EPG5: variants seen among roughly 807,000 people sequenced by gnomAD.
EPG5 encodes ectopic P granules protein 5 homolog.
A neutral mutation model predicts 302.7 loss-of-function variants in EPG5; 159 were observed. The ratio of observed to expected loss-of-function variants is 0.53; its 90% CI spans 0.46 to 0.60. The LOEUF (loss-of-function observed/expected upper bound fraction) is 0.60. EPG5 is among the 20% of genes least tolerant of loss of function. The pLI, the probability that EPG5 is intolerant of heterozygous loss-of-function variation, is 0.00. For synonymous variants in EPG5, 1,158 were observed against 1,136.8 expected, an observed-to-expected ratio of 1.02 and a Z score of -0.37; for missense variants, 2,896 against 3,092.4, an observed-to-expected ratio of 0.94 and a Z score of 1.51.
At chr18:45,867,824 C>T (rs779682578) in intron 36 of EPG5, 76 bp from the exon 37 acceptor site, 8 of 1,327,396 alleles carry the variant, frequency 6.0e-6, no homozygotes, top group Non-Finnish European at 8.3e-6. Context: ...TAAATTGTTT[C>T]ATAATTATGT....
At chr18:45,946,007 C>T (rs1431818178) in intron 7 of EPG5, among the ~76,000 whole-genome samples, 1 of 152,158 alleles carries the variant, frequency 6.6e-6, no homozygotes, top group African/African-American at 2.4e-5. Context: ...TAGACAAGAA[C>T]ACCAAATCAA....
chr18:45,887,795 G>C lies in EPG5; in HGVS notation c.5065C>G (p.Pro1689Ala). 6.3e-7 allele frequency: 1 copy of C among 1,597,606 alleles called. No individual in the cohort carries two copies. The highest frequency in any genetic ancestry group is 8.6e-7 in the Non-Finnish European group (1 of 1,167,656). Residue 1689 changes from proline (P) to alanine (A), a missense_variant, in exon 29 of 44, where the codon CCA becomes GCA. Physicochemically the swap from Pro to Ala is conservative, Grantham distance 27 (BLOSUM62 -1). Transcript: ENST00000282041. ...CATGAAGTAAAGAACTGCCTTGTTG[G>C]GGGATGACGCTGCGTCTCATCGCTG... is the stretch of plus-strand genomic sequence containing the variant. The part of the protein sequence containing the change: ...YVSDETQRHP[P>A]TRQFFTSCIE...
chr18:45,856,526 A>C (rs2048519070), intron 42 of EPG5, among the ~76,000 whole-genome samples: 1 of 152,246 alleles, frequency 6.6e-6, no homozygotes, highest in African/African-American at 2.4e-5. Flanking sequence ...AATTGTGCAT[A>C]TAAAAATGGT....
intron 36 of EPG5, 80 bp downstream of exon 36, chr18:45,870,487 T>G: frequency 7.7e-7 from 1 of 1,296,550 alleles, no homozygotes; most frequent in Non-Finnish European, 1.1e-6. Context: ...ACTGCCACTA[T>G]GCCTAACAAC....
chr18:45,934,894 G>C lies in EPG5; in HGVS notation c.2172C>G (p.Phe724Leu). 1 of 1,614,180 alleles carries C rather than the reference G, an allele frequency of 6.2e-7. No individual in the cohort carries two copies. The highest frequency in any genetic ancestry group is 1.1e-5 in the South Asian group (1 of 91,082). ...TLSVQMLWKL[F>L]YLMHQVESEN... ...CGCTCTCCACCTGGTGCATGAGGTA[G>C]AAGAGCTTCCACAGCATTTGCACAG... The change falls in exon 11 of 44, where the codon TTC becomes TTG. Residue 724 changes from phenylalanine (F) to leucine (L), a missense_variant. Phe to Leu is a conservative substitution (Grantham distance 22). Transcript: ENST00000282041.
In EPG5 at chr18:45,849,457, C is replaced by T. The variant is rs1336522824; in HGVS notation, c.*3010G>A. Reference sequence around the variant, plus strand: ...CTTCTGACTGTAAAAGTCTACGATTCCAGGACATTTGCTTCCTGCTCCAGA... The same window carrying T: ...CTTCTGACTGTAAAAGTCTACGATTTCAGGACATTTGCTTCCTGCTCCAGA... On this transcript the variant is annotated 3_prime_UTR_variant, in exon 44 of 44. Transcript: ENST00000282041. 1.3e-5 allele frequency: 2 copies of T among 151,936 alleles called. No homozygotes were observed. The highest frequency in any genetic ancestry group is 1.3e-4 in the Admixed American group (2 of 15,270). 9.4% of individuals were successfully genotyped at this position (151,936 alleles called of 1,614,324 possible). A position where few individuals can be genotyped will look rare whatever the true frequency, so the allele number is the denominator to read the frequency against.
chr18:45,820,816 T>C, the EPG5 span, among the ~76,000 whole-genome samples: 2 of 152,222 alleles, frequency 1.3e-5, no homozygotes, highest in Non-Finnish European at 2.9e-5. Context: ...ATATACCACA[T>C]GATGTCATGG....
At chr18:45,926,038 A>C (rs2050260726) in intron 13 of EPG5, 136 bp from the exon 14 acceptor site, 1 of 497,372 alleles carries the variant, frequency 2.0e-6, no homozygotes, top group Non-Finnish European at 3.2e-6. Flanking sequence ...TTTTTAGACA[A>C]GTGAAATGGA....
intron 3 of EPG5, 51 bp downstream of exon 3, chr18:45,952,349 A>C (rs1401429317): frequency 6.3e-6 from 10 of 1,596,368 alleles, no homozygotes; most frequent in South Asian, 1.1e-5. Flanking sequence ...TATACCCCTC[A>C]ATTTTTTTTT....
chr18:45,803,672 C>T, the EPG5 span, among the ~76,000 whole-genome samples: 4 of 152,104 alleles, frequency 2.6e-5, no homozygotes, highest in Admixed American at 1.3e-4. Context: ...CCAATTTTTG[C>T]CTGACCCCCA....
chr18:45,957,397 A>T (rs1296056595), intron 1 of EPG5, among the ~76,000 whole-genome samples: 1 of 152,224 alleles, frequency 6.6e-6, no homozygotes, highest in African/African-American at 2.4e-5. Flanking sequence ...AAACTGCCTA[A>T]AATCACAAAT....
chr18:45,874,086 CAT>C lies in EPG5; in HGVS notation c.6049+2148_6049+2149del, dbSNP rs555743323. 7.7e-3 allele frequency among the ~76,000 whole-genome samples: 1,166 copies of C among 152,290 alleles called. 7 individuals are homozygous for C. Among genetic ancestry groups the C allele is most frequent in the Non-Finnish European group, 9.5e-3 (648 of 68,028 alleles). ...CTGTATGATACCACAATGGTGGGCA[CAT>C]GTTATTTGTCATTTGTCAAAACCCA... On this transcript the variant is annotated intron_variant, in intron 35 of 43. Coordinates refer to ENST00000282041, the MANE Select transcript of EPG5 (RefSeq NM_020964.3).
the EPG5 span, chr18:45,837,056 C>T: frequency 6.4e-7 from 1 of 1,558,114 alleles, no homozygotes; most frequent in Non-Finnish European, 8.9e-7. Flanking sequence ...AAAATAGATA[C>T]TACGGAGAAC....
chr18:45,940,769 A>ATT, intron 9 of EPG5, among the ~76,000 whole-genome samples: 1 of 152,150 alleles, frequency 6.6e-6, no homozygotes, highest in South Asian at 2.1e-4. Flanking sequence ...GATGGTGGAG[A>ATT]TGATAAAATT....
intron 29 of EPG5, among the ~76,000 whole-genome samples, chr18:45,886,818 C>G (rs2049228543): frequency 6.6e-6 from 1 of 152,114 alleles, no homozygotes. Flanking sequence ...ACCACCACAC[C>G]CAGCTAATTT....
intron 24 of EPG5, chr18:45,907,753 A>G: frequency 2.3e-6 from 1 of 439,914 alleles, no homozygotes; most frequent in Non-Finnish European, 3.9e-6. Flanking sequence ...GCCTTCAGGT[A>G]GAAGGCACGG....
At chr18:45,935,465 C>A (rs1159484789) in intron 10 of EPG5, among the ~76,000 whole-genome samples, 1 of 152,150 alleles carries the variant, frequency 6.6e-6, no homozygotes, top group Admixed American at 6.5e-5. Context: ...TCACTTGAAC[C>A]CAGGAGGTAG....
At chr18:45,929,932 C>T (rs566065250) in intron 12 of EPG5, among the ~76,000 whole-genome samples, 1 of 152,318 alleles carries the variant, frequency 6.6e-6, no homozygotes, top group African/African-American at 2.4e-5. Context: ...CATCTTCAAA[C>T]ATAATTTTAC....
chr18:45,872,124 T>C (rs957187107), intron 35 of EPG5, among the ~76,000 whole-genome samples: 6 of 152,218 alleles, frequency 3.9e-5, no homozygotes, highest in African/African-American at 1.4e-4. Context: ...TAAAACTTAA[T>C]TAACCCTTGG....
Sources: gnomAD v4.1 joint callset for allele counts (sites outside exome capture counted in the v4.1 genomes callset) on GRCh38, gnomAD v4.1.1 for gene constraint, MANE v1.5 for transcripts, NCBI Gene and HGNC (gene_info 2026-07-23, HGNC 2026-07-21) for gene names.